Variants in CRTAC1 observed in about 807,000 individuals in gnomAD.
CRTAC1 encodes the protein cartilage acidic protein 1.
In CRTAC1, 37 loss-of-function variants were observed where a neutral mutation model predicts 67.8. The ratio of observed to expected loss-of-function variants is 0.55; its 90% confidence interval spans 0.42 to 0.72. The LOEUF (loss-of-function observed/expected upper bound fraction) is 0.72. Ranked by LOEUF, CRTAC1 falls within the 30% of genes least tolerant of loss-of-function variation. CRTAC1 has a pLI of 0.00. For missense variants in CRTAC1, 780 were observed against 931.6 expected, an observed-to-expected ratio of 0.84 and a Z score of 2.12; for synonymous variants, 348 against 371.0, an observed-to-expected ratio of 0.94 and a Z score of 0.71.
chr10:97,953,701 G>A (rs1240935867), intron 2 of CRTAC1, among the ~76,000 whole-genome samples: 1 of 152,194 alleles, frequency 6.6e-6, no homozygotes, highest in Non-Finnish European at 1.5e-5. Flanking sequence ...AAAGCCCGAG[G>A]TCAGTCATGT....
intron 2 of CRTAC1, among the ~76,000 whole-genome samples, chr10:97,948,208 G>A (rs1013320385): frequency 6.6e-6 from 1 of 151,780 alleles, no homozygotes; most frequent in Non-Finnish European, 1.5e-5. Flanking sequence ...AAAAAGCACA[G>A]AAATCAGGAA....
In CRTAC1 at chr10:97,880,301, G is replaced by T. The variant is rs893721941; in HGVS notation, c.1767C>A (p.Asn589Lys). 6.2e-7 allele frequency: 1 copy of T among 1,614,232 alleles called. No individual in the cohort carries two copies. The highest frequency in any genetic ancestry group is 8.5e-7 in the Non-Finnish European group (1 of 1,180,030). ...NTYGSYRCRTNKKCSRGYEPN... is the reference protein window; with the variant it reads ...NTYGSYRCRTKKKCSRGYEPN... The stretch of plus-strand genomic sequence containing the variant: ...GCTCGTAGCCCCGACTGCACTTCTT[G>T]TTGGTCCGGCACCTGTAGCTTCCAT... Residue 589 changes from asparagine to lysine, a missense_variant, in exon 14 of 15, where the codon AAC (asparagine) becomes AAA (lysine). Coordinates refer to ENST00000370597, the MANE Select transcript of CRTAC1 (RefSeq NM_018058.7).
chr10:97,951,898 G>A (rs1198398134), intron 2 of CRTAC1, among the ~76,000 whole-genome samples: 2 of 152,028 alleles, frequency 1.3e-5, no homozygotes, highest in Admixed American at 1.3e-4. Context: ...TGAAATTTTG[G>A]GCCCCATCCC....
intron 8 of CRTAC1, among the ~76,000 whole-genome samples, chr10:97,897,632 A>G (rs1342891504): frequency 2.6e-5 from 4 of 152,220 alleles, no homozygotes; most frequent in Non-Finnish European, 5.9e-5. Context: ...AAGAGAGGAA[A>G]GGGGTCCCTT....
At chr10:97,908,501 C>G (rs999060045) in intron 5 of CRTAC1, among the ~76,000 whole-genome samples, 1 of 152,168 alleles carries the variant, frequency 6.6e-6, no homozygotes, top group Admixed American at 6.5e-5. Flanking sequence ...CCATTTTGGT[C>G]AAGTCACAGA....
Position 97,895,106 on chromosome 10 carries a change from G to A in CRTAC1, c.1486+139C>T, listed in dbSNP as rs1389777233. 2 of 800,962 alleles carry A rather than the reference G, an allele frequency of 2.5e-6. No individual in the cohort carries two copies. The highest frequency in any genetic ancestry group is 3.5e-5 in the African/African-American group (2 of 56,918). 49.6% of individuals were successfully genotyped at this position (800,962 alleles called of 1,614,324 possible). A position where few individuals can be genotyped will look rare whatever the true frequency, so the allele number is the denominator to read the frequency against. On this transcript the variant is annotated intron_variant, in intron 11 of 14. Transcript: ENST00000370597. This position sits in a 1 kb window ranked among gnomAD's most constrained non-coding sequence, Gnocchi z 4.2. ...TGAGCTCAGGCTCATCTCAGAGTAG[G>A]GTTTGTCCCCAGTAGCTGGTGTCCA...
intron 3 of CRTAC1, among the ~76,000 whole-genome samples, chr10:97,934,949 G>A (rs1027980799): frequency 4.0e-5 from 6 of 149,320 alleles, no homozygotes; most frequent in East Asian, 2.0e-4. Context: ...CAAGCATCGC[G>A]GTGGAGGGGG....
At chr10:97,890,053 G>T (rs2050345078) in intron 11 of CRTAC1, among the ~76,000 whole-genome samples, 1 of 151,638 alleles carries the variant, frequency 6.6e-6, no homozygotes, top group Admixed American at 6.6e-5. Context: ...AAGGAAACAA[G>T]ATATATGCAC....
At chr10:97,897,230 T>C (rs1332686981) in intron 8 of CRTAC1, among the ~76,000 whole-genome samples, 1 of 152,196 alleles carries the variant, frequency 6.6e-6, no homozygotes, top group South Asian at 2.1e-4. Flanking sequence ...GGATGAATTA[T>C]AGGCAGCCTG....
At chr10:98,018,758 A>C (rs1279366462) in intron 1 of CRTAC1, among the ~76,000 whole-genome samples, 1 of 152,180 alleles carries the variant, frequency 6.6e-6, no homozygotes, top group Non-Finnish European at 1.5e-5. Flanking sequence ...CAGAGAATAC[A>C]CAGCCTTTCA....
intron 3 of CRTAC1, among the ~76,000 whole-genome samples, chr10:97,928,566 A>C (rs1458826575): frequency 6.6e-6 from 1 of 152,192 alleles, no homozygotes; most frequent in Non-Finnish European, 1.5e-5. Flanking sequence ...GGGCATGAGA[A>C]AGAAGGGGAC....
chr10:97,975,259 C>T lies in CRTAC1; in HGVS notation c.224+35879G>A, dbSNP rs1347882449. On this transcript the variant is annotated intron_variant, in intron 2 of 14. Transcript: ENST00000370597. This position sits in a 1 kb window ranked among gnomAD's most constrained non-coding sequence, Gnocchi z 4.8. ...CCCAGGTCGCAGAGGGACCCGGGGCCCGGCTGACTGATGCGGCTGTCCTCA... is the reference window on the plus strand; with the variant it reads ...CCCAGGTCGCAGAGGGACCCGGGGCTCGGCTGACTGATGCGGCTGTCCTCA... Among the ~76,000 whole-genome samples, 5 of 152,114 alleles carry T rather than the reference C, an allele frequency of 3.3e-5. No individual in the cohort carries two copies. The highest frequency in any genetic ancestry group is 7.4e-5 in the Non-Finnish European group (5 of 68,008).
chr10:98,028,882 C>T (rs1027416359), intron 1 of CRTAC1, among the ~76,000 whole-genome samples: 2 of 152,088 alleles, frequency 1.3e-5, no homozygotes, highest in Admixed American at 1.3e-4. Flanking sequence ...AGGATTCAGG[C>T]TCAAATGAGC....
At chr10:97,883,100 C>G (rs1169183444) in intron 12 of CRTAC1, among the ~76,000 whole-genome samples, 1 of 152,268 alleles carries the variant, frequency 6.6e-6, no homozygotes, top group African/African-American at 2.4e-5. Flanking sequence ...CTAACAGAAC[C>G]TGTCCCTTCT....
At chr10:97,865,936 A>G in intron 14 of CRTAC1, 1 of 622,440 alleles carries the variant, frequency 1.6e-6, no homozygotes, top group South Asian at 3.0e-5. Flanking sequence ...TTCCTTCCCG[A>G]TGGGGCTGGT....
chr10:97,973,437 G>C (rs1215365744), intron 2 of CRTAC1, among the ~76,000 whole-genome samples: 1 of 145,928 alleles, frequency 6.9e-6, no homozygotes, highest in East Asian at 2.0e-4. Flanking sequence ...TGTTTCAACA[G>C]CCCATCTCAA....
At chr10:97,890,976 T>C (rs573190758) in intron 11 of CRTAC1, among the ~76,000 whole-genome samples, 1 of 152,206 alleles carries the variant, frequency 6.6e-6, no homozygotes, top group Non-Finnish European at 1.5e-5. Flanking sequence ...TGCATTTTCT[T>C]TTTTTGTAGC....
At chr10:97,962,614 C>A (rs1339973534) in intron 2 of CRTAC1, among the ~76,000 whole-genome samples, 1 of 152,160 alleles carries the variant, frequency 6.6e-6, no homozygotes, top group East Asian at 1.9e-4. Flanking sequence ...TTTGGCAATG[C>A]CGTGGGGACC....
chr10:97,914,227 G>A (rs956884315), intron 5 of CRTAC1, among the ~76,000 whole-genome samples: 8 of 152,144 alleles, frequency 5.3e-5, no homozygotes, highest in East Asian at 1.9e-4. Flanking sequence ...GGTTTGGGGG[G>A]ACACACAGAG....
Sources: gnomAD v4.1 joint callset for allele counts (sites outside exome capture counted in the v4.1 genomes callset) on GRCh38, gnomAD v4.1.1 for gene constraint, Gnocchi (gnomAD v3.1) non-coding constraint, MANE v1.5 for transcripts, NCBI Gene and HGNC (gene_info 2026-07-23, HGNC 2026-07-21) for gene names.